Variants in RB1CC1 observed in about 807,000 individuals in gnomAD.
The protein encoded by RB1CC1 is RB1-inducible coiled-coil protein 1.
A neutral mutation model predicts 177.5 loss-of-function variants in RB1CC1; 46 were observed. The ratio of observed to expected loss-of-function variants is 0.26; its 90% CI spans 0.20 to 0.33. The LOEUF is 0.33. RB1CC1 is among the 10% of genes least tolerant of loss of function. The probability of loss-of-function intolerance (pLI) is 1.00; values close to 1 mark genes in which losing one functional copy is unlikely to be tolerated. For synonymous variants in RB1CC1, 666 were observed against 613.6 expected (o/e 1.09, Z -1.26); for missense variants, 1,703 against 1,816.3 (o/e 0.94, Z 1.13).
chr8:52,712,149 G>A (rs1441542012), intron 1 of RB1CC1, among the ~76,000 whole-genome samples: 1 of 152,186 alleles, frequency 6.6e-6, no homozygotes, highest in African/African-American at 2.4e-5. Context: ...GGGACTGCTA[G>A]ATTTTCAAAG....
At chr8:52,675,544 G>T (rs1853021636) in intron 6 of RB1CC1, among the ~76,000 whole-genome samples, 1 of 151,870 alleles carries the variant, frequency 6.6e-6, no homozygotes. Flanking sequence ...TCTATGCAAA[G>T]AACTAAAACT....
At position 52,657,494 on chromosome 8, in the gene RB1CC1, C is replaced by A. The variant is rs368359280; in HGVS notation, c.2335G>T (p.Asp779Tyr). 3 of 1,613,712 alleles carry A rather than the reference C, an allele frequency of 1.9e-6. No individual in the cohort carries two copies. The African/African-American group carries it at 4.0e-5, about 22-fold the overall frequency. The change falls in exon 15 of 24, where the codon GAT becomes TAT. Residue 779 changes from aspartate to tyrosine, a missense_variant. Asp to Tyr is a radical substitution (Grantham distance 160). This residue lies in a region of RB1CC1 where 1,169 missense variants were observed against 1,184.7 expected (regional missense o/e 0.99). Transcript: ENST00000025008. ...INAIDSRRMQDTNVCGKEDFG... is the reference protein window; with the variant it reads ...INAIDSRRMQYTNVCGKEDFG... The stretch of plus-strand genomic sequence containing the variant: ...TCCTCCTTACCACATACATTTGTAT[C>A]CTGCATTCGTCTACTGTCTATCGCA...
At chr8:52,701,589 C>G (rs183256417) in intron 1 of RB1CC1, among the ~76,000 whole-genome samples, 105 of 152,196 alleles carry the variant, frequency 6.9e-4, no homozygotes, top group Admixed American at 4.2e-3. Flanking sequence ...GATGGGGTCT[C>G]TCTATGTTGC....
At chr8:52,660,257 G>A (rs768584859) in intron 12 of RB1CC1, among the ~76,000 whole-genome samples, 4 of 151,882 alleles carry the variant, frequency 2.6e-5, no homozygotes, top group Non-Finnish European at 5.9e-5. Context: ...TAAAGGAGGA[G>A]GGAGGGAGAA....
intron 1 of RB1CC1, among the ~76,000 whole-genome samples, chr8:52,708,827 C>T (rs1325133275): frequency 6.6e-6 from 1 of 152,086 alleles, no homozygotes; most frequent in Non-Finnish European, 1.5e-5. Context: ...TCCATTGATG[C>T]GGTAGTAGCC....
chr8:52,675,081 A>G (rs1852973508), intron 6 of RB1CC1, among the ~76,000 whole-genome samples: 1 of 152,194 alleles, frequency 6.6e-6, no homozygotes, highest in African/African-American at 2.4e-5. Context: ...ATGATGTGCA[A>G]TATGATGTAG....
intron 15 of RB1CC1, among the ~76,000 whole-genome samples, chr8:52,651,586 T>G (rs541634639): frequency 6.6e-6 from 1 of 152,238 alleles, no homozygotes; most frequent in Non-Finnish European, 1.5e-5. Context: ...ACACCAAGTG[T>G]TGCCTTTTTC....
intron 15 of RB1CC1, among the ~76,000 whole-genome samples, chr8:52,653,379 A>C (rs1199069723): frequency 6.6e-6 from 1 of 152,204 alleles, no homozygotes; most frequent in East Asian, 1.9e-4. Context: ...CAAGCAACAG[A>C]GCCAGAGCAG....
intron 16 of RB1CC1, 36 bp from the exon 17 acceptor site, chr8:52,642,848 A>G: frequency 6.8e-7 from 1 of 1,477,794 alleles, no homozygotes; most frequent in South Asian, 1.5e-5. Context: ...ATTTATCTAC[A>G]TGTACTTAGC....
intron 1 of RB1CC1, among the ~76,000 whole-genome samples, chr8:52,687,855 A>C (rs1854408035): frequency 6.6e-6 from 1 of 152,176 alleles, no homozygotes; most frequent in African/African-American, 2.4e-5. Context: ...GTAATTTCTC[A>C]CTCAACAATA....
chr8:52,679,031 A>T (rs1475631274), intron 5 of RB1CC1, among the ~76,000 whole-genome samples: 1 of 152,214 alleles, frequency 6.6e-6, no homozygotes, highest in East Asian at 1.9e-4. Flanking sequence ...CCACACATAC[A>T]ATATATGCAG....
intron 7 of RB1CC1, among the ~76,000 whole-genome samples, chr8:52,670,205 T>A (rs982043439): frequency 6.6e-6 from 1 of 152,216 alleles, no homozygotes; most frequent in African/African-American, 2.4e-5. Flanking sequence ...AGTGCTAGGA[T>A]TATAGGCATG....
chr8:52,628,764 CTT>C (rs71702471), intron 21 of RB1CC1, among the ~76,000 whole-genome samples: 25,898 of 152,104 alleles, frequency 0.17, 3,166 homozygotes, highest in East Asian at 0.65. Context: ...TCTTTACAGC[CTT>C]TTTCAGAACT....
At chr8:52,670,836 A>C (rs1413758360) in intron 7 of RB1CC1, among the ~76,000 whole-genome samples, 1 of 152,064 alleles carries the variant, frequency 6.6e-6, no homozygotes, top group Non-Finnish European at 1.5e-5. Flanking sequence ...AAAAAAACAA[A>C]AATTTGCCAG....
chr8:52,655,947 TAC>T lies in RB1CC1; in HGVS notation c.3821+59_3821+60del, dbSNP rs1315796699. ...AATGAGTAAATCAAGGTACTGTGAT[TAC>T]ACACAAACGAATCACTGATATTTTA... On this transcript the variant is annotated intron_variant, in intron 15 of 23. Coordinates refer to ENST00000025008, the MANE Select transcript of RB1CC1 (RefSeq NM_014781.5). The T allele has an allele frequency of 2.3e-6, 3 of 1,312,806 alleles. No individual in the cohort carries two copies. The African/African-American group carries it at 4.4e-5, about 19-fold the overall frequency. The allele number at this position is 1,312,806 out of a possible 1,614,324, so 81.3% of individuals were successfully genotyped here. A position where few individuals can be genotyped will look rare whatever the true frequency, so the allele number is the denominator to read the frequency against.
intron 1 of RB1CC1, among the ~76,000 whole-genome samples, chr8:52,694,866 AGAT>A (rs1160526667): frequency 6.6e-6 from 1 of 152,224 alleles, no homozygotes; most frequent in Non-Finnish European, 1.5e-5. Context: ...AAAAAGAAGA[AGAT>A]ATTTTCCATA....
Position 52,645,870 on chromosome 8 carries a change from T to C in RB1CC1, c.3822-3A>G. 6.3e-7 allele frequency: 1 copy of C among 1,582,714 alleles called. No homozygotes were observed. The highest frequency in any genetic ancestry group is 8.5e-7 in the Non-Finnish European group (1 of 1,171,982). On this transcript the variant is annotated splice_polypyrimidine_tract_variant and splice_region_variant and intron_variant, in intron 15 of 23. Transcript: ENST00000025008. ...CTCTGGTAGAGTCAATGGCAGGACT[T>C]ACAAATTAAATACAGCATTAAATTA...
At chr8:52,666,273 C>T (rs1276952855) in intron 8 of RB1CC1, among the ~76,000 whole-genome samples, 1 of 151,962 alleles carries the variant, frequency 6.6e-6, no homozygotes. Flanking sequence ...CACCTGTAAT[C>T]CCAGCACTTT....
At chr8:52,644,466 G>A (rs559503782) in intron 16 of RB1CC1, among the ~76,000 whole-genome samples, 5 of 152,206 alleles carry the variant, frequency 3.3e-5, no homozygotes, top group African/African-American at 1.2e-4. Context: ...TGCAACACAA[G>A]GAGATAAAGA....
Sources: gnomAD v4.1 joint callset for allele counts (sites outside exome capture counted in the v4.1 genomes callset) on GRCh38, gnomAD v4.1.1 for gene constraint, gnomAD v4.1.1 regional missense constraint, MANE v1.5 for transcripts, NCBI Gene and HGNC (gene_info 2026-07-23, HGNC 2026-07-21) for gene names.